Variants in PRKCB observed in about 807,000 individuals in gnomAD.
The protein encoded by PRKCB is protein kinase C beta, also known as protein kinase C beta type.
In PRKCB, 13 loss-of-function variants were observed where a neutral mutation model predicts 81.5. The ratio of observed to expected loss-of-function variants is 0.16; its 90% CI spans 0.10 to 0.25. The LOEUF (loss-of-function observed/expected upper bound fraction) is 0.25. PRKCB is among the 10% of genes least tolerant of loss of function. PRKCB has a pLI of 1.00. For synonymous variants in PRKCB, 335 were observed against 321.4 expected, an observed-to-expected ratio of 1.04 and a Z score of -0.45; for missense variants, 509 against 875.7, an observed-to-expected ratio of 0.58 and a Z score of 5.29.
rs547467746 is a variant in PRKCB, at chr16:24,125,567, C to G, written c.1065+1586C>G. Among the ~76,000 whole-genome samples, 3 of 152,320 alleles carry G rather than the reference C, an allele frequency of 2.0e-5. No individual in the cohort carries two copies. In the South Asian group the frequency reaches 6.2e-4, roughly 32 times the overall value. Reference sequence around the variant, plus strand: ...TGAAAAGTTGCCGCTCATTCACTGTCCATTATGTTTAACTCTCTCATGGCA... The same window carrying G: ...TGAAAAGTTGCCGCTCATTCACTGTGCATTATGTTTAACTCTCTCATGGCA... On this transcript the variant is annotated intron_variant, in intron 9 of 16. Transcript: ENST00000643927.
At chr16:24,191,419 G>T in intron 16 of PRKCB, 189 bp downstream of exon 16, 7 of 575,706 alleles carry the variant, frequency 1.2e-5, no homozygotes, top group East Asian at 3.1e-5. Context: ...GCCCAGCTTA[G>T]TCTCTATAAA....
At chr16:23,890,955 T>C (rs1289505038) in intron 2 of PRKCB, among the ~76,000 whole-genome samples, 1 of 152,126 alleles carries the variant, frequency 6.6e-6, no homozygotes, top group East Asian at 1.9e-4. Context: ...TATATGTATG[T>C]ATGCCTAGGG....
At chr16:23,885,398 T>C (rs1175711734) in intron 2 of PRKCB, among the ~76,000 whole-genome samples, 2 of 152,084 alleles carry the variant, frequency 1.3e-5, no homozygotes, top group East Asian at 3.9e-4. Context: ...AGTCTCCGCC[T>C]CCCTAGTTCA....
rs756297068 is a variant in PRKCB at position 24,154,716 on chromosome 16, G to A, written c.1098G>A (p.Glu366=). 5.0e-6 allele frequency: 8 copies of A among 1,614,044 alleles called. No homozygotes were observed. Among genetic ancestry groups the A allele is most frequent in the African/African-American group, 1.3e-5 (1 of 74,932 alleles). ...TTTCAGAACGAAAAGGCACAGATGA[G>A]CTCTATGCTGTGAAGATCCTGAAGA... ...VMLSERKGTD[E]LYAVKILKKD... is the part of the protein sequence containing the mutation. The change falls in exon 10 of 17, where the codon GAG becomes GAA. Residue 366 remains glutamate (E), a synonymous_variant. Coordinates refer to ENST00000643927, the MANE Select transcript of PRKCB (RefSeq NM_002738.7).
At chr16:24,083,195 A>G (rs1966271225) in intron 5 of PRKCB, among the ~76,000 whole-genome samples, 1 of 152,330 alleles carries the variant, frequency 6.6e-6, no homozygotes, top group South Asian at 2.1e-4. Context: ...TACTGTCAAT[A>G]TGGTGTGCTA....
At chr16:24,119,793 A>G (rs1966777811) in intron 8 of PRKCB, among the ~76,000 whole-genome samples, 1 of 152,112 alleles carries the variant, frequency 6.6e-6, no homozygotes, top group African/African-American at 2.4e-5. Flanking sequence ...CTACACCCCA[A>G]ATCTCTGTCT....
chr16:24,046,818 A>T (rs16940401), intron 5 of PRKCB, among the ~76,000 whole-genome samples: 25,460 of 152,126 alleles, frequency 0.17, 2,468 homozygotes, highest in African/African-American at 0.26. Context: ...TATCTGAAGG[A>T]CATCATGCAA....
rs576091295 is a variant in PRKCB at position 23,912,033 on chromosome 16, T to C, written c.205+74627T>C. Among the ~76,000 whole-genome samples the C allele has an allele frequency of 7.9e-5, 12 of 151,950 alleles. 1 individual carries two copies. In the South Asian group the frequency reaches 2.5e-3, roughly 32 times the overall value. On this transcript the variant is annotated intron_variant, in intron 2 of 16. Coordinates refer to ENST00000643927, the MANE Select transcript of PRKCB (RefSeq NM_002738.7). ...TTTTAGTAGAGACGGAGTTTTGCCA[T>C]GTTAGCCACGCTAGTCTCGAACTCC...
At chr16:24,151,978 C>G (rs1402981783) in intron 9 of PRKCB, 2 of 444,004 alleles carry the variant, frequency 4.5e-6, no homozygotes, top group East Asian at 7.1e-5. Context: ...TGCATCTGCA[C>G]TGAAGGTGTC....
intron 3 of PRKCB, among the ~76,000 whole-genome samples, chr16:24,021,506 G>T (rs893230480): frequency 1.3e-5 from 2 of 151,772 alleles, no homozygotes; most frequent in East Asian, 1.9e-4. Flanking sequence ...CTGGTTTGGG[G>T]GTGGCAGGGA....
At chr16:24,164,720 T>C (rs1967316535) in intron 10 of PRKCB, among the ~76,000 whole-genome samples, 1 of 152,206 alleles carries the variant, frequency 6.6e-6, no homozygotes, top group African/African-American at 2.4e-5. Flanking sequence ...CTGTGACAAG[T>C]TCTTCTTGGA....
At chr16:23,891,277 T>C (rs904081874) in intron 2 of PRKCB, among the ~76,000 whole-genome samples, 2 of 152,128 alleles carry the variant, frequency 1.3e-5, no homozygotes, top group Non-Finnish European at 2.9e-5. Context: ...GTTCTTGAAC[T>C]CCTGGGCTCA....
chr16:23,924,877 A>C (rs999555411), intron 2 of PRKCB, among the ~76,000 whole-genome samples: 1 of 152,148 alleles, frequency 6.6e-6, no homozygotes. Flanking sequence ...TATAAACAAC[A>C]ACAACAAAAC....
At chr16:24,000,171 G>A (rs1399511989) in intron 3 of PRKCB, among the ~76,000 whole-genome samples, 3 of 152,180 alleles carry the variant, frequency 2.0e-5, no homozygotes, top group Non-Finnish European at 4.4e-5. Context: ...AAGTATCTAT[G>A]GTTAATCTAT....
intron 10 of PRKCB, among the ~76,000 whole-genome samples, chr16:24,156,664 T>C (rs983385667): frequency 1.3e-5 from 2 of 152,224 alleles, no homozygotes; most frequent in African/African-American, 4.8e-5. Flanking sequence ...CATCATGCAA[T>C]GGAGACTTGG....
chr16:23,982,552 C>T (rs1964752623), intron 2 of PRKCB, among the ~76,000 whole-genome samples: 1 of 151,950 alleles, frequency 6.6e-6, no homozygotes, highest in Non-Finnish European at 1.5e-5. Flanking sequence ...ACCTCAGCTT[C>T]CCAAGTAGCT....
At chr16:23,941,087 T>C (rs1259075471) in intron 2 of PRKCB, among the ~76,000 whole-genome samples, 1 of 152,168 alleles carries the variant, frequency 6.6e-6, no homozygotes, top group Non-Finnish European at 1.5e-5. Context: ...TGGCAAATGT[T>C]TTCTTACAGG....
In PRKCB at chr16:24,123,401, C is replaced by G. The variant is rs184551358; in HGVS notation, c.919-434C>G. Among the ~76,000 whole-genome samples, 7 of 152,272 alleles carry G rather than the reference C, an allele frequency of 4.6e-5. No individual in the cohort carries two copies. In the East Asian group the frequency reaches 1.4e-3, roughly 29 times the overall value. On this transcript the variant is annotated intron_variant, in intron 8 of 16. Coordinates refer to ENST00000643927, the MANE Select transcript of PRKCB (RefSeq NM_002738.7). The stretch of plus-strand genomic sequence containing the variant: ...GCCTAAACACACAAGTCCATGAAAG[C>G]ACCTCGATCTTTACCCTGAAAATGA...
intron 2 of PRKCB, among the ~76,000 whole-genome samples, chr16:23,855,649 G>T (rs1962552272): frequency 6.6e-6 from 1 of 152,202 alleles, no homozygotes; most frequent in Admixed American, 6.5e-5. Flanking sequence ...GTTTATTGGG[G>T]ATGTAGCTCT....
Sources: gnomAD v4.1 joint callset for allele counts (sites outside exome capture counted in the v4.1 genomes callset) on GRCh38, gnomAD v4.1.1 for gene constraint, MANE v1.5 for transcripts, NCBI Gene and HGNC (gene_info 2026-07-23, HGNC 2026-07-21) for gene names.